The following CYP20A1 variants were observed in gnomAD, a reference collection of about 807,000 sequenced individuals.
The protein encoded by CYP20A1 is cytochrome P450 20A1.
A neutral mutation model predicts 61.4 loss-of-function variants in CYP20A1; 61 were observed. The observed-to-expected ratio is 0.99, with a 90% confidence interval of 0.81 to 1.23. The LOEUF is 1.23. CYP20A1 is among the 50% of genes most tolerant of loss of function. The pLI, the probability that CYP20A1 is intolerant of heterozygous loss-of-function variation, is 0.00. For synonymous variants in CYP20A1, 193 were observed against 188.2 expected (o/e 1.03, Z -0.21); for missense variants, 530 against 542.4 (o/e 0.98, Z 0.23).
At chr2:203,271,147 G>A (rs1260094661) in intron 5 of CYP20A1, among the ~76,000 whole-genome samples, 1 of 131,228 alleles carries the variant, frequency 7.6e-6, no homozygotes, top group Non-Finnish European at 1.6e-5. Context: ...GAGTGCAGTG[G>A]CGCCATCTTG....
intron 8 of CYP20A1, among the ~76,000 whole-genome samples, chr2:203,282,035 CTTTT>C (rs113768629): frequency 1.7e-5 from 2 of 116,416 alleles, no homozygotes; most frequent in African/African-American, 3.1e-5. Context: ...TGTATTCAAC[CTTTT>C]TTTTTTTTTT....
chr2:203,272,850 TC>T, intron 6 of CYP20A1, 102 bp downstream of exon 6: 7 of 653,442 alleles, frequency 1.1e-5, no homozygotes, highest in East Asian at 3.6e-5. Flanking sequence ...ATTTATATTT[TC>T]TTTTTTTTTT....
At chr2:203,276,938 A>G (rs899674593) in intron 6 of CYP20A1, among the ~76,000 whole-genome samples, 2 of 152,216 alleles carry the variant, frequency 1.3e-5, no homozygotes, top group African/African-American at 4.8e-5. Flanking sequence ...TGAGCATTTC[A>G]TTACTGAGAA....
chr2:203,279,095 G>C (rs2067941874), intron 7 of CYP20A1, among the ~76,000 whole-genome samples: 1 of 152,062 alleles, frequency 6.6e-6, no homozygotes, highest in Admixed American at 6.6e-5. Flanking sequence ...CTCCCAAGTA[G>C]CTGGGACTAC....
At chr2:203,252,832 C>T (rs78040695) in intron 4 of CYP20A1, among the ~76,000 whole-genome samples, 1 of 152,102 alleles carries the variant, frequency 6.6e-6, no homozygotes, top group African/African-American at 2.4e-5. Flanking sequence ...TGTGACTCCC[C>T]ACTTCGCGGT....
intron 7 of CYP20A1, 50 bp downstream of exon 7, chr2:203,278,738 G>C (rs1362381831): frequency 1.0e-6 from 1 of 969,666 alleles, no homozygotes; most frequent in African/African-American, 1.7e-5. Flanking sequence ...GCCAGAGCCA[G>C]GCACAATGGC....
intron 5 of CYP20A1, among the ~76,000 whole-genome samples, chr2:203,271,967 C>T (rs537631184): frequency 5.9e-5 from 9 of 152,162 alleles, no homozygotes; most frequent in Admixed American, 2.0e-4. Context: ...GTGGAAGTTG[C>T]AGTCAGCCGA....
intron 3 of CYP20A1, among the ~76,000 whole-genome samples, chr2:203,248,849 A>G (rs904829435): frequency 3.9e-5 from 6 of 152,092 alleles, no homozygotes; most frequent in Non-Finnish European, 7.3e-5. Context: ...AGGTGAGACT[A>G]TAGGCATGCA....
At chr2:203,251,817 A>ATATATGTGTGTATATATATATATAT (rs34111991) in intron 3 of CYP20A1, 150 bp from the exon 4 acceptor site, 4 of 95,292 alleles carry the variant, frequency 4.2e-5, no homozygotes, top group Non-Finnish European at 4.5e-5. Context: ...ATATATATAT[A>ATATATGTGTGTATATATATATATAT]AAAAATAAAA....
chr2:203,285,465 T>A, intron 8 of CYP20A1, 147 bp from the exon 9 acceptor site: 4 of 808,628 alleles, frequency 4.9e-6, no homozygotes, highest in Non-Finnish European at 7.0e-6. Context: ...GAATTTTACT[T>A]TTTAGTAGCA....
intron 8 of CYP20A1, among the ~76,000 whole-genome samples, chr2:203,281,364 A>T (rs2068034131): frequency 6.6e-6 from 1 of 152,112 alleles, no homozygotes; most frequent in South Asian, 2.1e-4. Flanking sequence ...AAAATTAGCC[A>T]GGCCTGGTGG....
At chr2:203,272,909 G>A (rs1474855256) in intron 6 of CYP20A1, among the ~76,000 whole-genome samples, 161 bp downstream of exon 6, 1 of 150,218 alleles carries the variant, frequency 6.7e-6, no homozygotes, top group Non-Finnish European at 1.5e-5. Context: ...GTGCAGTGGT[G>A]CGATCTCGGC....
chr2:203,273,059 A>G (rs1284731608), intron 6 of CYP20A1, among the ~76,000 whole-genome samples: 2 of 152,082 alleles, frequency 1.3e-5, no homozygotes, highest in Non-Finnish European at 2.9e-5. Context: ...GTTGGCCAGG[A>G]TGGTCTCGAT....
intron 5 of CYP20A1, among the ~76,000 whole-genome samples, chr2:203,271,047 T>C (rs1438456480): frequency 3.6e-5 from 1 of 27,664 alleles, no homozygotes; most frequent in Non-Finnish European, 1.1e-4. Flanking sequence ...TATATATATG[T>C]ATATGTGTAT....
chr2:203,290,370 T>G (rs1272427049), intron 10 of CYP20A1, among the ~76,000 whole-genome samples: 1 of 152,214 alleles, frequency 6.6e-6, no homozygotes, highest in Non-Finnish European at 1.5e-5. Context: ...AAGTCTTCCT[T>G]CCCAAAAGGT....
intron 10 of CYP20A1, among the ~76,000 whole-genome samples, chr2:203,291,774 C>T (rs2068545351): frequency 6.6e-6 from 1 of 151,942 alleles, no homozygotes; most frequent in Non-Finnish European, 1.5e-5. Context: ...GTGTGCTGCA[C>T]CCATTAACTC....
At chr2:203,242,152 A>C (rs2066275818) in intron 1 of CYP20A1, among the ~76,000 whole-genome samples, 1 of 151,832 alleles carries the variant, frequency 6.6e-6, no homozygotes, top group Non-Finnish European at 1.5e-5. Flanking sequence ...TAATTTTTTA[A>C]TTTTTTAATT....
Position 203,239,056 on chromosome 2 carries a change from C to T in CYP20A1, c.-7C>T, listed in dbSNP as rs116716498. 4.6e-3 allele frequency: 7,358 copies of T among 1,613,340 alleles called. 103 individuals carry two copies. The highest frequency in any genetic ancestry group is 0.035 in the Admixed American group (2,083 of 59,988). ...ATCCGAGACGTGGCTCCCTGGGCGG[C>T]AGAACCATGTTGGACTTCGCGATCT... is the stretch of plus-strand genomic sequence containing the variant. On this transcript the variant is annotated 5_prime_UTR_variant, in exon 1 of 13. Transcript: ENST00000356079.
At position 203,304,217 on chromosome 2, in the gene CYP20A1, G is replaced by A. The variant is rs2069136458; in HGVS notation, c.*7309G>A. Among the ~76,000 whole-genome samples the A allele has an allele frequency of 6.8e-6, 1 of 146,800 alleles. No homozygotes were observed. Among genetic ancestry groups the A allele is most frequent in the African/African-American group, 2.4e-5 (1 of 40,910 alleles). On this transcript the variant is annotated 3_prime_UTR_variant, in exon 13 of 13. Coordinates refer to ENST00000356079, the MANE Select transcript of CYP20A1 (RefSeq NM_177538.3). ...ACAGAGTGAGACTCCATAGGTCTCA[G>A]CCAGACTCTGGAGGTCTCAGCCCAG...
Sources: gnomAD v4.1 joint callset for allele counts (sites outside exome capture counted in the v4.1 genomes callset) on GRCh38, gnomAD v4.1.1 for gene constraint, MANE v1.5 for transcripts, NCBI Gene and HGNC (gene_info 2026-07-23, HGNC 2026-07-21) for gene names.